Variants in TUBGCP5 observed in about 807,000 individuals in gnomAD.
TUBGCP5 encodes gamma-tubulin complex component 5.
A neutral mutation model predicts 134.7 loss-of-function variants in TUBGCP5; 98 were observed. The observed-to-expected ratio is 0.73, with a 90% confidence interval of 0.62 to 0.86. The LOEUF is 0.86. TUBGCP5 is among the 40% of genes least tolerant of loss of function. The probability of loss-of-function intolerance (pLI) is 0.00; values close to 1 mark genes in which losing one functional copy is unlikely to be tolerated. For synonymous variants in TUBGCP5, 456 were observed against 431.4 expected (o/e 1.06, Z -0.71); for missense variants, 1,150 against 1,244.8 (o/e 0.92, Z 1.15).
intron 15 of TUBGCP5, among the ~76,000 whole-genome samples, chr15:23,009,273 AT>A (rs536559427): frequency 9.0e-4 from 131 of 145,228 alleles, no homozygotes; most frequent in Middle Eastern, 3.5e-3. Context: ...AATTGCCATA[AT>A]TTTTTTTTTT....
rs2066807039 is a variant in TUBGCP5 at position 23,039,531 on chromosome 15, CGTGCCGCGCCAT to C, written c.1_12del (p.MetAlaArgHis1_?4). The C allele has an allele frequency of 6.8e-7, 1 of 1,477,786 alleles. No homozygotes were observed. Among genetic ancestry groups the C allele is most frequent in the African/African-American group, 1.4e-5 (1 of 69,174 alleles). The allele number at this position is 1,477,786 out of a possible 1,614,324, so 91.5% of individuals were successfully genotyped here. On this transcript the variant is annotated start_lost and inframe_deletion, in exon 1 of 23. Coordinates refer to ENST00000615383, the MANE Select transcript of TUBGCP5 (RefSeq NM_052903.6). ...GCGTCCAACCGACTCCACGGTGGCC[CGTGCCGCGCCAT>C]GTTCCGCGCTCCTGCAGCGCGCGTC...
intron 22 of TUBGCP5, chr15:23,000,237 A>T (rs899886589): frequency 1.6e-5 from 19 of 1,206,710 alleles, no homozygotes; most frequent in Non-Finnish European, 1.7e-5. Flanking sequence ...AAAATTTTTA[A>T]AAAGACTAGA....
chr15:23,006,601 A>T (rs1487425465), intron 16 of TUBGCP5, among the ~76,000 whole-genome samples: 1 of 152,182 alleles, frequency 6.6e-6, no homozygotes. Flanking sequence ...TAACAATGGT[A>T]GTAATTAGAA....
rs1447606683 is a variant in TUBGCP5, at chr15:23,037,020, A to G, written c.201-15T>C. On this transcript the variant is annotated splice_polypyrimidine_tract_variant and intron_variant, in intron 2 of 22. Coordinates refer to ENST00000615383, the MANE Select transcript of TUBGCP5 (RefSeq NM_052903.6). Reference sequence around the variant, plus strand: ...TTTCATAAATTCTAAAATATAAGAAAAGATTATAAAGCTATCTTAAAAAGA... The same window carrying G: ...TTTCATAAATTCTAAAATATAAGAAGAGATTATAAAGCTATCTTAAAAAGA... 1 of 1,593,384 alleles carries G rather than the reference A, an allele frequency of 6.3e-7. No individual in the cohort carries two copies. Among genetic ancestry groups the G allele is most frequent in the Non-Finnish European group, 8.5e-7 (1 of 1,169,622 alleles).
chr15:22,994,202 C>G (rs1056212661), downstream of TUBGCP5, among the ~76,000 whole-genome samples: 1 of 152,152 alleles, frequency 6.6e-6, no homozygotes, highest in African/African-American at 2.4e-5. Context: ...ATTCTCCTGC[C>G]TCAGCCTCCC....
In TUBGCP5 at chr15:23,000,684, A is replaced by G. The variant is rs758312109; in HGVS notation, c.2928-15T>C. On this transcript the variant is annotated splice_polypyrimidine_tract_variant and intron_variant, in intron 21 of 22. Transcript: ENST00000615383. ...TAGATTCCATTCTAGGAATAAAAGTAAATTTCAATTAAGTAAGTGCATTGC... is the reference window on the plus strand; with the variant it reads ...TAGATTCCATTCTAGGAATAAAAGTGAATTTCAATTAAGTAAGTGCATTGC... 3 of 1,579,158 alleles carry G rather than the reference A, an allele frequency of 1.9e-6. No individual in the cohort carries two copies. The highest frequency in any genetic ancestry group is 8.7e-7 in the Non-Finnish European group (1 of 1,154,760).
chr15:23,010,282 T>C, intron 14 of TUBGCP5, 149 bp from the exon 15 acceptor site: 1 of 933,620 alleles, frequency 1.1e-6, no homozygotes, highest in Non-Finnish European at 1.6e-6. Flanking sequence ...AAAATATCCT[T>C]TGAGTGAACC....
At position 23,016,986 on chromosome 15, in the gene TUBGCP5, A is replaced by ATATATATATATATATATG. The variant is rs373904143; in HGVS notation, c.1756+786_1756+787insCATATATATATATATATA. Among the ~76,000 whole-genome samples the ATATATATATATATATATG allele has an allele frequency of 3.5e-4, 49 of 138,278 alleles. 2 individuals carry two copies. Among genetic ancestry groups the ATATATATATATATATATG allele is most frequent in the South Asian group, 1.6e-3 (7 of 4,250 alleles). 90.7% of individuals were successfully genotyped at this position (138,278 alleles called of 152,430 possible). A position where few individuals can be genotyped will look rare whatever the true frequency, so the allele number is the denominator to read the frequency against. On this transcript the variant is annotated intron_variant, in intron 13 of 22. Coordinates refer to ENST00000615383, the MANE Select transcript of TUBGCP5 (RefSeq NM_052903.6). ...AATTGTGAGATATATATATATATAT[A>ATATATATATATATATATG]TGTATATATCTTGAAGATAAAAGAG...
Position 22,999,743 on chromosome 15 carries a change from T to C in TUBGCP5, c.*77A>G, listed in dbSNP as rs1046860. 173,619 of 1,500,206 alleles carry C rather than the reference T, an allele frequency of 0.12. 13,648 individuals are homozygous for C. The highest frequency in any genetic ancestry group is 0.46 in the East Asian group (20,358 of 44,060). The allele number at this position is 1,500,206 out of a possible 1,614,324, so 92.9% of individuals were successfully genotyped here. ...ACAAATAAACCAAAATAAAAATATT[T>C]TCACTTTTCAGCTGCACATGGTGGA... On this transcript the variant is annotated 3_prime_UTR_variant, in exon 23 of 23. Transcript: ENST00000615383.
At chr15:23,033,343 TCTCAGCTCACCGCAAC>T (rs1256056438) in intron 3 of TUBGCP5, among the ~76,000 whole-genome samples, 1 of 151,930 alleles carries the variant, frequency 6.6e-6, no homozygotes, top group Non-Finnish European at 1.5e-5. Flanking sequence ...AATAGTGCAA[TCTCAGCTCACCGCAAC>T]CTCAGCCTCC....
At chr15:23,008,647 G>T in intron 16 of TUBGCP5, 52 bp downstream of exon 16, 1 of 1,549,404 alleles carries the variant, frequency 6.5e-7, no homozygotes, top group Non-Finnish European at 8.9e-7. Flanking sequence ...AGACTTACTG[G>T]CACATAGTTC....
rs912834848 is a variant in TUBGCP5, at chr15:23,013,405, C to T, written c.1757-2074G>A. On this transcript the variant is annotated intron_variant, in intron 13 of 22. Transcript: ENST00000615383. The surrounding 1 kb of genome is among the most constrained non-coding windows in gnomAD (Gnocchi z 4.5). ...AGTTCGCAGTGAGCCGAGATCGCGC[C>T]GCTGCACTCCAGCCTGGGCGACAGG... Among the ~76,000 whole-genome samples, 1 of 151,864 alleles carries T rather than the reference C, an allele frequency of 6.6e-6. No individual in the cohort carries two copies. Among genetic ancestry groups the T allele is most frequent in the Admixed American group, 6.5e-5 (1 of 15,272 alleles).
Position 23,024,131 on chromosome 15 carries a change from C to T in TUBGCP5, c.984G>A (p.Gln328=). The T allele has an allele frequency of 1.2e-6, 2 of 1,614,160 alleles. No homozygotes were observed. Among genetic ancestry groups the T allele is most frequent in the African/African-American group, 1.3e-5 (1 of 75,052 alleles). Residue 328 remains glutamine, a synonymous_variant, in exon 10 of 23, where the codon CAG becomes CAA. Coordinates refer to ENST00000615383, the MANE Select transcript of TUBGCP5 (RefSeq NM_052903.6). ...AAYGQVVFRL[Q]EFIDEVMGHS... ...GTCCCATGACTTCATCAATGAACTC[C>T]TGGAGTCGAAACACAACCTGGCCAT...
At position 23,030,801 on chromosome 15, in the gene TUBGCP5, T is replaced by C. The variant is rs1251929492; in HGVS notation, c.622+84A>G. 4 of 1,520,234 alleles carry C rather than the reference T, an allele frequency of 2.6e-6. No individual in the cohort carries two copies. The African/African-American group carries it at 5.6e-5, about 21-fold the overall frequency. The allele number at this position is 1,520,234 out of a possible 1,614,324, so 94.2% of individuals were successfully genotyped here. Reference sequence around the variant, plus strand: ...GGTAGAGCTTAGCCAATACCTTGATTACATGGAACTGATCTCAAAGTTTGC... The same window carrying C: ...GGTAGAGCTTAGCCAATACCTTGATCACATGGAACTGATCTCAAAGTTTGC... On this transcript the variant is annotated intron_variant, in intron 6 of 22. Transcript: ENST00000615383.
chr15:22,993,796 C>T (rs1418910709), intron 23 of TUBGCP5, among the ~76,000 whole-genome samples: 11 of 151,696 alleles, frequency 7.3e-5, no homozygotes, highest in African/African-American at 1.5e-4. Context: ...CCACCTGCCT[C>T]GGCCTCCCAA....
Position 22,999,698 on chromosome 15 carries a change from G to C in TUBGCP5, c.*122C>G. ...TTAGAGGCATGAGCGACTGTGCCAG[G>C]CTGACTGTGGACAAGTTTTACAAAT... is the stretch of plus-strand genomic sequence containing the variant. On this transcript the variant is annotated 3_prime_UTR_variant, in exon 23 of 23. Transcript: ENST00000615383. 9.1e-7 allele frequency: 1 copy of C among 1,101,556 alleles called. No homozygotes were observed. The highest frequency in any genetic ancestry group is 1.3e-6 in the Non-Finnish European group (1 of 745,436). 68.2% of individuals were successfully genotyped at this position (1,101,556 alleles called of 1,614,324 possible).
Position 23,016,073 on chromosome 15 carries a change from T to G in TUBGCP5, c.1756+1700A>C, listed in dbSNP as rs546706131. The stretch of plus-strand genomic sequence containing the variant: ...AAAATCTTAAGGAAACTCGGTGAGA[T>G]ACAAGAGAACTCGGTGAGATACAAG... On this transcript the variant is annotated intron_variant, in intron 13 of 22. Coordinates refer to ENST00000615383, the MANE Select transcript of TUBGCP5 (RefSeq NM_052903.6). 1.4e-3 allele frequency among the ~76,000 whole-genome samples: 210 copies of G among 152,236 alleles called. 1 individual carries two copies. Among genetic ancestry groups the G allele is most frequent in the African/African-American group, 4.4e-3 (184 of 41,532 alleles).
chr15:23,022,276 G>A (rs1002779687), intron 10 of TUBGCP5, 115 bp from the exon 11 acceptor site: 14 of 1,049,204 alleles, frequency 1.3e-5, no homozygotes, highest in African/African-American at 4.7e-5. Context: ...AATGGAGGAC[G>A]GTGGATTTTA....
intron 21 of TUBGCP5, among the ~76,000 whole-genome samples, chr15:23,001,558 G>A (rs1297167802): frequency 6.6e-6 from 1 of 152,002 alleles, no homozygotes; most frequent in African/African-American, 2.4e-5. Flanking sequence ...GGTCAGGCTG[G>A]TCTCGAACTC....
Sources: allele counts gnomAD v4.1 joint callset (sites outside exome capture counted in the v4.1 genomes callset), GRCh38; gene constraint gnomAD v4.1.1; non-coding constraint Gnocchi (gnomAD v3.1); transcripts MANE v1.5; gene names NCBI Gene and HGNC (gene_info 2026-07-23, HGNC 2026-07-21).